The following SWAP70 variants were observed in gnomAD, a reference collection of about 807,000 sequenced individuals.
The protein encoded by SWAP70 is switching B cell complex subunit SWAP70.
A neutral mutation model predicts 80.2 loss-of-function variants in SWAP70; 34 were observed. The observed-to-expected ratio is 0.42, with a 90% CI of 0.32 to 0.56. The LOEUF is 0.56. SWAP70 is among the 20% of genes least tolerant of loss of function. The probability of loss-of-function intolerance (pLI) is 0.09; values close to 1 mark genes in which losing one functional copy is unlikely to be tolerated. For synonymous variants in SWAP70, 239 were observed against 238.5 expected (o/e 1.00, Z -0.02); for missense variants, 578 against 690.7 (o/e 0.84, Z 1.83).
intron 6 of SWAP70, among the ~76,000 whole-genome samples, chr11:9,729,959 T>C (rs1851275695): frequency 1.3e-5 from 2 of 152,232 alleles, no homozygotes; most frequent in Non-Finnish European, 2.9e-5. Context: ...GGGTAAATTA[T>C]AAATGGGAGA....
chr11:9,730,771 TA>T (rs973918651), intron 6 of SWAP70, among the ~76,000 whole-genome samples: 6 of 152,148 alleles, frequency 3.9e-5, no homozygotes, highest in South Asian at 2.1e-4. Flanking sequence ...TAATAACCTT[TA>T]AAAAAAATTT....
Position 9,664,213 on chromosome 11 carries a change from A to G in SWAP70, c.34A>G (p.Ile12Val). Residue 12 changes from isoleucine to valine, a missense_variant, in exon 1 of 12, where the codon ATC becomes GTC. Transcript: ENST00000318950. Reference protein sequence around the residue: ...GSLKEELLKAIWHAFTALDQD... With the variant: ...GSLKEELLKAVWHAFTALDQD... ...CTTGAAGGAGGAGCTGCTCAAAGCCATCTGGCACGCCTTCACCGCACTCGA... is the reference window on the plus strand; with the variant it reads ...CTTGAAGGAGGAGCTGCTCAAAGCCGTCTGGCACGCCTTCACCGCACTCGA... The G allele has an allele frequency of 1.9e-6, 3 of 1,593,204 alleles. No individual in the cohort carries two copies. The highest frequency in any genetic ancestry group is 2.6e-6 in the Non-Finnish European group (3 of 1,170,634).
chr11:9,682,190 G>A (rs1029811243), intron 1 of SWAP70, among the ~76,000 whole-genome samples: 1 of 152,152 alleles, frequency 6.6e-6, no homozygotes, highest in African/African-American at 2.4e-5. Flanking sequence ...GAGGGGAGGA[G>A]CCCTTGTTTC....
chr11:9,740,592 G>T (rs1851424029), intron 9 of SWAP70: 1 of 507,588 alleles, frequency 2.0e-6, no homozygotes, highest in South Asian at 2.0e-5. Context: ...AGAGCAGTCT[G>T]GTAGGTATGT....
intron 2 of SWAP70, among the ~76,000 whole-genome samples, chr11:9,710,439 C>G (rs1451298058): frequency 8.5e-5 from 13 of 152,076 alleles, no homozygotes; most frequent in African/African-American, 3.1e-4. Flanking sequence ...AGGCAGAACA[C>G]AAAGGAGCTC....
intron 9 of SWAP70, 110 bp from the exon 10 acceptor site, chr11:9,747,748 G>C (rs962802878): frequency 2.9e-6 from 3 of 1,018,066 alleles, no homozygotes; most frequent in Admixed American, 1.8e-5. Context: ...GGAATGAAAG[G>C]GGGATTAGAC....
At chr11:9,732,898 C>T (rs2133811118) in intron 7 of SWAP70, among the ~76,000 whole-genome samples, 188 bp downstream of exon 7, 1 of 152,250 alleles carries the variant, frequency 6.6e-6, no homozygotes, top group Admixed American at 6.5e-5. Flanking sequence ...AGCCCTGAAA[C>T]TATGTTGATC....
chr11:9,670,794 C>T (rs949350967), intron 1 of SWAP70, among the ~76,000 whole-genome samples: 2 of 151,824 alleles, frequency 1.3e-5, no homozygotes, highest in African/African-American at 4.8e-5. Flanking sequence ...TGCTCTATCA[C>T]CCAGGCTGGA....
intron 1 of SWAP70, among the ~76,000 whole-genome samples, chr11:9,690,574 C>CA (rs1160447756): frequency 6.6e-6 from 1 of 151,758 alleles, no homozygotes; most frequent in East Asian, 1.9e-4. Flanking sequence ...TGCCTCAAAA[C>CA]AAAAAACAAA....
chr11:9,739,188 G>A (rs529236350), intron 8 of SWAP70, among the ~76,000 whole-genome samples: 3 of 152,284 alleles, frequency 2.0e-5, no homozygotes, highest in African/African-American at 7.2e-5. Flanking sequence ...CAAGATCCAG[G>A]TTGTCTTAGG....
chr11:9,712,198 T>A (rs1026727769), intron 2 of SWAP70, among the ~76,000 whole-genome samples: 2 of 152,214 alleles, frequency 1.3e-5, no homozygotes, highest in South Asian at 4.1e-4. Flanking sequence ...TTTACATTCC[T>A]TGGGAACATA....
intron 8 of SWAP70, 116 bp downstream of exon 8, chr11:9,738,436 C>CT (rs1254608228): frequency 6.9e-6 from 4 of 583,062 alleles, no homozygotes; most frequent in Admixed American, 3.8e-5. Flanking sequence ...TGCTACTGAC[C>CT]TGGAATGGGC....
At chr11:9,675,378 A>G (rs1181324993) in intron 1 of SWAP70, among the ~76,000 whole-genome samples, 726 of 54,414 alleles carry the variant, frequency 0.013, 90 homozygotes, top group South Asian at 0.046. Context: ...AGAGAGAGAG[A>G]GAGAGAGAGA....
chr11:9,696,270 C>T (rs1850755990), intron 2 of SWAP70, among the ~76,000 whole-genome samples: 1 of 152,048 alleles, frequency 6.6e-6, no homozygotes, highest in South Asian at 2.1e-4. Flanking sequence ...CAAATTGACA[C>T]ACTAAAATTT....
At chr11:9,735,851 G>A (rs71476844) in intron 7 of SWAP70, among the ~76,000 whole-genome samples, 1 of 152,106 alleles carries the variant, frequency 6.6e-6, no homozygotes, top group Admixed American at 6.6e-5. Flanking sequence ...GTATGTGGGT[G>A]TAGATCTCTT....
At chr11:9,743,674 GT>G (rs1851472447) in intron 9 of SWAP70, among the ~76,000 whole-genome samples, 2 of 151,638 alleles carry the variant, frequency 1.3e-5, no homozygotes, top group African/African-American at 2.4e-5. Context: ...TTTTTCATGT[GT>G]TTTTTGGCTG....
At chr11:9,717,679 T>G in intron 3 of SWAP70, among the ~76,000 whole-genome samples, 1 of 140,902 alleles carries the variant, frequency 7.1e-6, no homozygotes, top group Non-Finnish European at 1.6e-5. Flanking sequence ...AAAAAAAAAT[T>G]ACAGTATTTT....
intron 9 of SWAP70, among the ~76,000 whole-genome samples, chr11:9,747,082 G>A (rs1318336040): frequency 6.6e-6 from 1 of 152,158 alleles, no homozygotes; most frequent in Non-Finnish European, 1.5e-5. Context: ...CTTTAATGCA[G>A]GTTTTGGCTG....
chr11:9,702,767 A>G (rs981502684), intron 2 of SWAP70, among the ~76,000 whole-genome samples: 1 of 152,156 alleles, frequency 6.6e-6, no homozygotes, highest in South Asian at 2.1e-4. Context: ...GTTGGACTCT[A>G]CATTTTCATT....
Sources: gnomAD v4.1 joint callset for allele counts (sites outside exome capture counted in the v4.1 genomes callset) on GRCh38, gnomAD v4.1.1 for gene constraint, MANE v1.5 for transcripts, NCBI Gene and HGNC (gene_info 2026-07-23, HGNC 2026-07-21) for gene names.